KIF26B: variants seen among roughly 807,000 people sequenced by gnomAD.
KIF26B encodes the protein kinesin-like protein KIF26B.
A neutral mutation model predicts 151.2 loss-of-function variants in KIF26B; 63 were observed. That is an observed-to-expected ratio of 0.42 (90% confidence interval 0.34 to 0.51). The LOEUF is 0.51. Ranked by LOEUF, KIF26B falls within the 20% of genes least tolerant of loss-of-function variation. The pLI, the probability that KIF26B is intolerant of heterozygous loss-of-function variation, is 0.07. For synonymous variants in KIF26B, 1,357 were observed against 1,262.1 expected (o/e 1.08, Z -1.59); for missense variants, 2,813 against 2,913.6 (o/e 0.97, Z 0.79).
At chr1:245,508,015 G>A (rs1256575056) in intron 4 of KIF26B, among the ~76,000 whole-genome samples, 6 of 152,102 alleles carry the variant, frequency 3.9e-5, no homozygotes, top group Non-Finnish European at 7.4e-5. Context: ...TCCAGATCTC[G>A]TTCAGGAAGT....
chr1:245,500,906 C>T (rs761682102), intron 4 of KIF26B, among the ~76,000 whole-genome samples: 10 of 152,252 alleles, frequency 6.6e-5, no homozygotes, highest in Non-Finnish European at 1.5e-4. Flanking sequence ...CAGTCAGCAG[C>T]ATTGCCAGAG....
intron 2 of KIF26B, among the ~76,000 whole-genome samples, chr1:245,290,403 C>G (rs1392136326): frequency 1.3e-5 from 2 of 152,230 alleles, no homozygotes; most frequent in African/African-American, 4.8e-5. Flanking sequence ...ATGGCTACTG[C>G]ACAGACAGAT....
In KIF26B at chr1:245,707,388, G is replaced by T. The variant is rs181213229; in HGVS notation, c.*4782G>T. 22 of 152,266 alleles carry T rather than the reference G, an allele frequency of 1.4e-4. No homozygotes were observed. In the East Asian group the frequency reaches 3.3e-3, roughly 23 times the overall value. The allele number at this position is 152,266 out of a possible 1,614,324, so 9.4% of individuals were successfully genotyped here. A position where few individuals can be genotyped will look rare whatever the true frequency, so the allele number is the denominator to read the frequency against. ...GAAATTACCTTCAACACTAAAAAAG[G>T]TTCCTTCTTTCATTCCCTATCCTGC... is the stretch of plus-strand genomic sequence containing the variant. On this transcript the variant is annotated 3_prime_UTR_variant, in exon 15 of 15. Coordinates refer to ENST00000407071, the MANE Select transcript of KIF26B (RefSeq NM_018012.4).
chr1:245,270,882 T>C (rs1165407460), intron 2 of KIF26B, among the ~76,000 whole-genome samples: 1 of 152,256 alleles, frequency 6.6e-6, no homozygotes, highest in Admixed American at 6.5e-5. Flanking sequence ...AGGAGGTTTG[T>C]AGTTTCAGGT....
intron 2 of KIF26B, among the ~76,000 whole-genome samples, chr1:245,193,880 G>A (rs1017462158): frequency 5.3e-5 from 8 of 152,228 alleles, no homozygotes; most frequent in African/African-American, 1.9e-4. Context: ...ATCAATGGCA[G>A]AGAAAGATTC....
intron 4 of KIF26B, among the ~76,000 whole-genome samples, chr1:245,496,986 T>C (rs1660525379): frequency 6.6e-6 from 1 of 151,946 alleles, no homozygotes. Context: ...AAACCCCATC[T>C]CTACTAAAAA....
Position 245,563,768 on chromosome 1 carries a change from G to A in KIF26B, c.1350+22818G>A, listed in dbSNP as rs575211067. ...GTTGTTTAGATTTAGAATATGTAACGCAATTACCGCTGCGTTACCAGCAAT... is the reference window on the plus strand; with the variant it reads ...GTTGTTTAGATTTAGAATATGTAACACAATTACCGCTGCGTTACCAGCAAT... On this transcript the variant is annotated intron_variant, in intron 5 of 14. Transcript: ENST00000407071. This position sits in a 1 kb window ranked among gnomAD's most constrained non-coding sequence, Gnocchi z 4.6. Among the ~76,000 whole-genome samples the A allele has an allele frequency of 2.1e-5, 3 of 143,166 alleles. No individual in the cohort carries two copies. The highest frequency in any genetic ancestry group is 4.6e-4 in the South Asian group (2 of 4,390). The allele number at this position is 143,166 out of a possible 152,430, so 93.9% of individuals were successfully genotyped here.
chr1:245,673,941 G>A (rs1465442048), intron 10 of KIF26B: 2 of 152,246 alleles, frequency 1.3e-5, no homozygotes, highest in African/African-American at 4.8e-5. Context: ...AATCAAGGGA[G>A]AGCCTCTGGG....
At chr1:245,290,096 G>C (rs879131896) in intron 2 of KIF26B, among the ~76,000 whole-genome samples, 1 of 152,102 alleles carries the variant, frequency 6.6e-6, no homozygotes, top group Non-Finnish European at 1.5e-5. Flanking sequence ...TTGGGGTCAG[G>C]CACTGTGTCT....
At chr1:245,252,792 A>G (rs541809204) in intron 2 of KIF26B, among the ~76,000 whole-genome samples, 51 of 152,194 alleles carry the variant, frequency 3.4e-4, no homozygotes, top group African/African-American at 1.2e-3. Context: ...AGAAGTAATG[A>G]TGGTGGGAAT....
intron 4 of KIF26B, among the ~76,000 whole-genome samples, chr1:245,436,928 C>A (rs112659118): frequency 0.055 from 6,921 of 124,994 alleles, 205 homozygotes; most frequent in Middle Eastern, 0.18. Flanking sequence ...GCTCTGTTGT[C>A]CAGGTTGGAG....
At chr1:245,198,599 G>A (rs761499097) in intron 2 of KIF26B, among the ~76,000 whole-genome samples, 7 of 152,096 alleles carry the variant, frequency 4.6e-5, no homozygotes, top group South Asian at 2.1e-4. Context: ...GTGGGGGCCT[G>A]TAATTCCGGC....
At chr1:245,268,319 A>C (rs1480918958) in intron 2 of KIF26B, among the ~76,000 whole-genome samples, 1 of 151,732 alleles carries the variant, frequency 6.6e-6, no homozygotes, top group East Asian at 1.9e-4. Context: ...AAATACAAAA[A>C]AAATTAGCCA....
At chr1:245,225,197 GA>G (rs1669849936) in intron 2 of KIF26B, among the ~76,000 whole-genome samples, 1 of 152,242 alleles carries the variant, frequency 6.6e-6, no homozygotes, top group Admixed American at 6.5e-5. Context: ...CACAGGACTT[GA>G]GGTGGCAGTA....
At chr1:245,240,325 C>T (rs1173137013) in intron 2 of KIF26B, among the ~76,000 whole-genome samples, 1 of 152,080 alleles carries the variant, frequency 6.6e-6, no homozygotes, top group African/African-American at 2.4e-5. Flanking sequence ...GGCATAGTTG[C>T]TGTAATTTGT....
At chr1:245,565,440 C>A (rs1408282707) in intron 5 of KIF26B, among the ~76,000 whole-genome samples, 1 of 152,088 alleles carries the variant, frequency 6.6e-6, no homozygotes, top group East Asian at 1.9e-4. Flanking sequence ...AGGCGTGCAC[C>A]ACCACGCCCA....
intron 10 of KIF26B, among the ~76,000 whole-genome samples, chr1:245,681,359 GC>G (rs1015706205): frequency 6.6e-6 from 1 of 151,986 alleles, no homozygotes; most frequent in African/African-American, 2.4e-5. Flanking sequence ...ACAGGTGCCC[GC>G]CACCACGCCC....
chr1:245,605,541 C>T (rs2043442202), intron 6 of KIF26B, among the ~76,000 whole-genome samples: 1 of 152,216 alleles, frequency 6.6e-6, no homozygotes, highest in African/African-American at 2.4e-5. Context: ...TATGACCCTT[C>T]AGTGGCTTCG....
chr1:245,386,537 T>C, intron 3 of KIF26B, among the ~76,000 whole-genome samples: 1 of 151,816 alleles, frequency 6.6e-6, no homozygotes, highest in Admixed American at 6.6e-5. Flanking sequence ...GAGCTAGACA[T>C]TGACCACCCA....
Sources: allele counts gnomAD v4.1 joint callset (sites outside exome capture counted in the v4.1 genomes callset), GRCh38; gene constraint gnomAD v4.1.1; non-coding constraint Gnocchi (gnomAD v3.1); transcripts MANE v1.5; gene names NCBI Gene and HGNC (gene_info 2026-07-23, HGNC 2026-07-21).